The following AIMP2 variants were observed in gnomAD, a reference collection of about 807,000 sequenced individuals.
AIMP2 encodes aminoacyl tRNA synthase complex-interacting multifunctional protein 2.
AIMP2 carries 20 observed loss-of-function variants against 23.4 expected under a neutral mutation model. That is an observed-to-expected ratio of 0.85 (90% confidence interval 0.60 to 1.24). AIMP2 has a LOEUF of 1.24. Ranked by LOEUF, AIMP2 falls within the 50% of genes most tolerant of loss-of-function variation. The pLI is 0.00. For synonymous variants in AIMP2, 210 were observed against 170.4 expected, an observed-to-expected ratio of 1.23 and a Z score of -1.81; for missense variants, 515 against 414.5, an observed-to-expected ratio of 1.24 and a Z score of -2.10.
chr7:6,014,240 T>C (rs1307312218), intron 1 of AIMP2, among the ~76,000 whole-genome samples: 1 of 150,970 alleles, frequency 6.6e-6, no homozygotes, highest in East Asian at 1.9e-4. Context: ...ACAACTTTTA[T>C]TTGTTGAAGC....
chr7:6,023,564 T>TG lies in AIMP2; in HGVS notation c.838dup (p.Val280GlyfsTer28). ...GGGAATGAACTCACCGTAGCAGACG[T>TG]GGTGCTGTGGTCTGTACTCCAGCAG... On this transcript the variant is annotated frameshift_variant, in exon 4 of 4. Coordinates refer to ENST00000223029, the MANE Select transcript of AIMP2 (RefSeq NM_006303.4). LOFTEE classifies it high-confidence loss of function. 1 of 1,614,208 alleles carries TG rather than the reference T, an allele frequency of 6.2e-7. No homozygotes were observed. Among genetic ancestry groups the TG allele is most frequent in the Non-Finnish European group, 8.5e-7 (1 of 1,180,040 alleles).
chr7:6,017,113 C>T (rs1369450596), intron 2 of AIMP2: 1 of 152,324 alleles, frequency 6.6e-6, no homozygotes, highest in East Asian at 1.9e-4. Flanking sequence ...AACACCCCTT[C>T]TTAAGGGGTT....
chr7:6,023,667 C>T lies in AIMP2; in HGVS notation c.939C>T (p.Asn313=). 6.2e-7 allele frequency: 1 copy of T among 1,614,106 alleles called. No individual in the cohort carries two copies. The highest frequency in any genetic ancestry group is 8.5e-7 in the Non-Finnish European group (1 of 1,180,004). Reference sequence around the variant, plus strand: ...CTTGTGAAAACCTGGCTCCTTTTAACACGGCCCTCAAGCTCCTTAAGTGAA... The same window carrying T: ...CTTGTGAAAACCTGGCTCCTTTTAATACGGCCCTCAAGCTCCTTAAGTGAA... ...MRSCENLAPF[N]TALKLLK The change falls in exon 4 of 4, where the codon AAC becomes AAT. Residue 313 remains asparagine, a synonymous_variant. Transcript: ENST00000223029.
Position 6,015,211 on chromosome 7 carries a change from T to C in AIMP2, c.201T>C (p.Tyr67=). ...SRQDDILKRL[Y]ELKAAVDGLS... ...AAGATGATATTTTAAAACGTCTGTA[T>C]GAGTTGAAAGCTGCAGTTGATGGCC... The change falls in exon 2 of 4, where the codon TAT becomes TAC. Residue 67 remains tyrosine (Y), a synonymous_variant. Coordinates refer to ENST00000223029, the MANE Select transcript of AIMP2 (RefSeq NM_006303.4). 6.2e-7 allele frequency: 1 copy of C among 1,614,182 alleles called. No individual in the cohort carries two copies. Among genetic ancestry groups the C allele is most frequent in the Non-Finnish European group, 8.5e-7 (1 of 1,180,026 alleles).
chr7:6,009,966 A>ATATATATATATATAT lies in AIMP2; in HGVS notation c.135+468_135+469insTATATATATATATAT, dbSNP rs1162854647. On this transcript the variant is annotated intron_variant, in intron 1 of 3. Transcript: ENST00000223029. ...CTCTATCTCAAAAAAAAAAAAAAAAAAAAAAAAAATATATATATATATATA... is the reference window on the plus strand; with the variant it reads ...CTCTATCTCAAAAAAAAAAAAAAAAATATATATATATATATAAAAAAAAATATATATATATATATA... Among the ~76,000 whole-genome samples the ATATATATATATATAT allele has an allele frequency of 1.1e-3, 45 of 40,190 alleles. 1 individual carries two copies. Among genetic ancestry groups the ATATATATATATATAT allele is most frequent in the Non-Finnish European group, 1.7e-3 (34 of 19,898 alleles). 26.4% of individuals were successfully genotyped at this position (40,190 alleles called of 152,430 possible).
intron 1 of AIMP2, among the ~76,000 whole-genome samples, chr7:6,009,899 A>T (rs1274756846): frequency 7.1e-6 from 1 of 140,120 alleles, no homozygotes; most frequent in Non-Finnish European, 1.5e-5. Context: ...CAGTGAGCTG[A>T]GATCGAGCCA....
chr7:6,009,602 C>T, intron 1 of AIMP2, 104 bp downstream of exon 1: 1 of 1,039,408 alleles, frequency 9.6e-7, no homozygotes, highest in Non-Finnish European at 1.3e-6. Context: ...TTCACGGCCC[C>T]ACCCCGGCAT....
In AIMP2 at chr7:6,009,469, G is replaced by C. The variant is rs756846471; in HGVS notation, c.106G>C (p.Gly36Arg). Residue 36 changes from glycine to arginine, a missense_variant, in exon 1 of 4, where the codon GGC (glycine) becomes CGC (arginine). By Grantham distance (125) the Gly-to-Arg change is moderately radical. Transcript: ENST00000223029. ...RLPNVHGRSYGPAPGAGHVQE... is the reference protein window; with the variant it reads ...RLPNVHGRSYRPAPGAGHVQE... The stretch of plus-strand genomic sequence containing the variant: ...CCCCAACGTGCACGGCAGGAGCTAC[G>C]GCCCAGCGCCGGGCGCTGGCCACGT... 5.7e-6 allele frequency: 9 copies of C among 1,591,230 alleles called. No homozygotes were observed. The highest frequency in any genetic ancestry group is 5.5e-5 in the Admixed American group (3 of 54,940).
At chr7:6,009,679 C>T (rs902726238) in intron 1 of AIMP2, among the ~76,000 whole-genome samples, 181 bp downstream of exon 1, 4 of 151,730 alleles carry the variant, frequency 2.6e-5, no homozygotes, top group African/African-American at 9.7e-5. Context: ...GGCCGGGCGC[C>T]GTGGCTCACG....
chr7:6,018,999 G>T (rs944094996), intron 3 of AIMP2, among the ~76,000 whole-genome samples: 1 of 110,212 alleles, frequency 9.1e-6, no homozygotes, highest in Non-Finnish European at 1.9e-5. Flanking sequence ...ACAATACATG[G>T]CACCACTTGC....
chr7:6,009,491 A>T lies in AIMP2; in HGVS notation c.128A>T (p.His43Leu), dbSNP rs770150314. The T allele has an allele frequency of 6.4e-7, 1 of 1,550,638 alleles. No homozygotes were observed. The highest frequency in any genetic ancestry group is 1.4e-5 in the African/African-American group (1 of 70,624). ...TACGGCCCAGCGCCGGGCGCTGGCC[A>T]CGTGCAGGTAGGAGCGCGGGGCCCC... is the stretch of plus-strand genomic sequence containing the variant. ...RSYGPAPGAGHVQEESNLSLQ... is the reference protein window; with the variant it reads ...RSYGPAPGAGLVQEESNLSLQ... The change falls in exon 1 of 4, where the codon CAC becomes CTC. Residue 43 changes from histidine (H) to leucine (L), a missense_variant. His to Leu is a moderately conservative substitution (Grantham distance 99, BLOSUM62 -3). Coordinates refer to ENST00000223029, the MANE Select transcript of AIMP2 (RefSeq NM_006303.4).
At chr7:6,023,089 G>A in intron 3 of AIMP2, 2 of 560,372 alleles carry the variant, frequency 3.6e-6, no homozygotes, top group Non-Finnish European at 3.0e-6. Flanking sequence ...TACCAGGAAT[G>A]ACTCTTTGGT....
In AIMP2 at chr7:6,023,368, G is replaced by A. The variant is rs1161751628; in HGVS notation, c.640G>A (p.Ala214Thr). 3.1e-6 allele frequency: 5 copies of A among 1,613,870 alleles called. No homozygotes were observed. The highest frequency in any genetic ancestry group is 2.2e-5 in the East Asian group (1 of 44,896). ...CCCCATCGAAGGCGAAGGGAACATTGCACGTTTCTTGTTCTCTCTGTTTGG... is the reference window on the plus strand; with the variant it reads ...CCCCATCGAAGGCGAAGGGAACATTACACGTTTCTTGTTCTCTCTGTTTGG... The part of the protein sequence containing the change: ...MCPIEGEGNI[A>T]RFLFSLFGQK... Residue 214 changes from alanine (A) to threonine (T), a missense_variant, in exon 4 of 4, where the codon GCA becomes ACA. Physicochemically the swap from Ala to Thr is moderately conservative, Grantham distance 58. Transcript: ENST00000223029.
Position 6,017,902 on chromosome 7 carries a change from A to C in AIMP2, c.431A>C (p.Glu144Ala). The change falls in exon 3 of 4, where the codon GAG (glutamate) becomes GCG (alanine). Residue 144 changes from glutamate to alanine, a missense_variant. Glu to Ala is a moderately radical substitution (Grantham distance 107). Transcript: ENST00000223029. ...CTTGTGCTGCACAGGCTGCTCTGTG[A>C]GCACTTCAGGGTCCTGTCCACGGTG... ...SLLVLHRLLC[E>A]HFRVLSTVHT... 1 of 1,613,946 alleles carries C rather than the reference A, an allele frequency of 6.2e-7. No homozygotes were observed. Among genetic ancestry groups the C allele is most frequent in the Non-Finnish European group, 8.5e-7 (1 of 1,180,006 alleles).
At position 6,015,181 on chromosome 7, in the gene AIMP2, C is replaced by T. The variant is rs1214411304; in HGVS notation, c.171C>T (p.Ser57=). 1.2e-6 allele frequency: 2 copies of T among 1,614,076 alleles called. No individual in the cohort carries two copies. Among genetic ancestry groups the T allele is most frequent in the South Asian group, 2.2e-5 (2 of 91,078 alleles). The change falls in exon 2 of 4, where the codon TCC becomes TCT. Residue 57 remains serine (S), a synonymous_variant. Coordinates refer to ENST00000223029, the MANE Select transcript of AIMP2 (RefSeq NM_006303.4). The part of the protein sequence containing the change: ...ESNLSLQALE[S]RQDDILKRLY... ...ACCTGTCTCTGCAAGCTCTTGAGTC[C>T]CGCCAAGATGATATTTTAAAACGTC...
At chr7:6,009,646 T>C (rs1289625349) in intron 1 of AIMP2, 148 bp downstream of exon 1, 188 of 687,710 alleles carry the variant, frequency 2.7e-4, no homozygotes, top group Middle Eastern at 9.0e-4. Flanking sequence ...ACTCAGACTT[T>C]TATGTTTTAA....
At chr7:6,023,279 A>G in intron 3 of AIMP2, 24 bp from the exon 4 acceptor site, 2 of 1,565,312 alleles carry the variant, frequency 1.3e-6, no homozygotes, top group Non-Finnish European at 1.7e-6. Context: ...TGGTGATGCT[A>G]CCTGGCGTGT....
At chr7:6,010,116 C>T (rs1019085077) in intron 1 of AIMP2, among the ~76,000 whole-genome samples, 1 of 150,288 alleles carries the variant, frequency 6.7e-6, no homozygotes, top group African/African-American at 2.4e-5. Context: ...CATAGCGAGA[C>T]CCTTGTCTCT....
At chr7:6,012,103 C>T (rs1019259691) in intron 1 of AIMP2, among the ~76,000 whole-genome samples, 4 of 151,922 alleles carry the variant, frequency 2.6e-5, no homozygotes, top group African/African-American at 9.7e-5. Context: ...AAGTACAAAA[C>T]TTAGCCAGGT....
Sources: allele counts gnomAD v4.1 joint callset (sites outside exome capture counted in the v4.1 genomes callset), GRCh38; gene constraint gnomAD v4.1.1; transcripts MANE v1.5; gene names NCBI Gene and HGNC (gene_info 2026-07-23, HGNC 2026-07-21).